ADAM7: variants seen among roughly 807,000 people sequenced by gnomAD.
ADAM7 encodes the protein ADAM metallopeptidase domain 7.
In ADAM7, 97 loss-of-function variants were observed where a neutral mutation model predicts 102.9. That is an observed-to-expected ratio of 0.94 (90% CI 0.80 to 1.12). ADAM7 has a LOEUF of 1.12. Ranked by LOEUF, ADAM7 falls within the 50% of genes most tolerant of loss-of-function variation. The pLI, the probability that ADAM7 is intolerant of heterozygous loss-of-function variation, is 0.00. For missense variants in ADAM7, 991 were observed against 908.7 expected (o/e 1.09, Z -1.16); for synonymous variants, 334 against 304.4 (o/e 1.10, Z -1.01).
At chr8:24,499,652 A>G (rs1006725421) in intron 17 of ADAM7, among the ~76,000 whole-genome samples, 1 of 152,144 alleles carries the variant, frequency 6.6e-6, no homozygotes, top group East Asian at 1.9e-4. Context: ...AAATTACACC[A>G]ATGTCAAGTT....
chr8:24,509,248 GAGGA>G lies in ADAM7; in HGVS notation c.*703_*706del. The G allele has an allele frequency of 1.0e-6, 1 of 985,418 alleles. No individual in the cohort carries two copies. The highest frequency in any genetic ancestry group is 1.2e-6 in the Non-Finnish European group (1 of 829,974). 61.0% of individuals were successfully genotyped at this position (985,418 alleles called of 1,614,324 possible). ...ATTTCAGAAAATTTACTCCAAGTGA[GAGGA>G]CATACTCACAACTCCTATGAAGGGT... On this transcript the variant is annotated 3_prime_UTR_variant, in exon 22 of 22. Coordinates refer to ENST00000175238, the MANE Select transcript of ADAM7 (RefSeq NM_003817.4).
intron 14 of ADAM7, 189 bp from the exon 15 acceptor site, chr8:24,492,306 T>G: frequency 5.8e-6 from 4 of 690,480 alleles, no homozygotes; most frequent in Non-Finnish European, 9.5e-6. Context: ...TATGTATATT[T>G]GTTACTGTTT....
chr8:24,470,975 A>G (rs1050394884), intron 7 of ADAM7, among the ~76,000 whole-genome samples: 3 of 152,244 alleles, frequency 2.0e-5, no homozygotes, highest in Non-Finnish European at 4.4e-5. Flanking sequence ...AATTGCCCCT[A>G]AAGACCTTCA....
rs10086959 is a variant in ADAM7 at position 24,484,530 on chromosome 8, C to T, written c.876-747C>T. On this transcript the variant is annotated intron_variant, in intron 9 of 21. Coordinates refer to ENST00000175238, the MANE Select transcript of ADAM7 (RefSeq NM_003817.4). ...TTTTATTATAGCTATCAAATCCTAC[C>T]TGAGTTTCTATGGTTGATTAAAAGT... Among the ~76,000 whole-genome samples, 766 of 152,202 alleles carry T rather than the reference C, an allele frequency of 5.0e-3. 8 individuals are homozygous for T. The highest frequency in any genetic ancestry group is 0.018 in the African/African-American group (731 of 41,534).
intron 9 of ADAM7, 80 bp from the exon 10 acceptor site, chr8:24,485,197 T>C: frequency 2.4e-6 from 3 of 1,271,378 alleles, no homozygotes; most frequent in South Asian, 2.5e-5. Flanking sequence ...TTGGCATTGC[T>C]GGGGTTCACT....
At chr8:24,450,577 A>G (rs1057045766) in intron 3 of ADAM7, among the ~76,000 whole-genome samples, 2 of 152,160 alleles carry the variant, frequency 1.3e-5, no homozygotes, top group Admixed American at 6.5e-5. Context: ...TTCTAGATAT[A>G]CAATCGTGTA....
chr8:24,491,980 T>TTAG lies in ADAM7; in HGVS notation c.1434_1435insTAG (p.Pro478_Ala479insTer). On this transcript the variant is annotated stop_gained and inframe_insertion, in exon 14 of 22. Transcript: ENST00000175238. LOFTEE classifies it high-confidence loss of function. ...CTGAGATGTGCACTGGCCACTCGCCTGCCTGTCCTAAGGACCAGTTCAGGG... is the reference window on the plus strand; with the variant it reads ...CTGAGATGTGCACTGGCCACTCGCCTTAGGCCTGTCCTAAGGACCAGTTCAGGG... The TTAG allele has an allele frequency of 6.2e-7, 1 of 1,613,954 alleles. No individual in the cohort carries two copies. The highest frequency in any genetic ancestry group is 8.5e-7 in the Non-Finnish European group (1 of 1,179,878).
At chr8:24,492,919 C>T in intron 15 of ADAM7, 124 bp from the exon 16 acceptor site, 5 of 983,440 alleles carry the variant, frequency 5.1e-6, no homozygotes, top group Non-Finnish European at 7.2e-6. Flanking sequence ...CTGCCCATTA[C>T]AGCCTCCTTA....
intron 16 of ADAM7, among the ~76,000 whole-genome samples, chr8:24,495,194 A>T (rs1820513003): frequency 6.6e-6 from 1 of 152,188 alleles, no homozygotes; most frequent in South Asian, 2.1e-4. Flanking sequence ...ATAAGATCCT[A>T]TAGCTCATAG....
chr8:24,477,672 C>T (rs530407375), intron 8 of ADAM7, among the ~76,000 whole-genome samples: 70 of 151,730 alleles, frequency 4.6e-4, no homozygotes, highest in African/African-American at 1.6e-3. Context: ...AATTATTGAT[C>T]ATTCAAATAT....
chr8:24,499,380 C>A, intron 17 of ADAM7, 64 bp downstream of exon 17: 1 of 1,271,384 alleles, frequency 7.9e-7, no homozygotes, highest in Non-Finnish European at 1.1e-6. Flanking sequence ...ATTCCCCAGC[C>A]TATATGTGCA....
intron 3 of ADAM7, among the ~76,000 whole-genome samples, chr8:24,456,026 A>G (rs1819020006): frequency 6.6e-6 from 1 of 152,174 alleles, no homozygotes; most frequent in Admixed American, 6.5e-5. Flanking sequence ...ACTATTATTA[A>G]GTAAATTCAC....
intron 8 of ADAM7, among the ~76,000 whole-genome samples, chr8:24,477,745 T>A (rs1819816162): frequency 6.6e-6 from 1 of 152,146 alleles, no homozygotes; most frequent in Non-Finnish European, 1.5e-5. Context: ...ATATTTCAAT[T>A]ATATGCATAT....
chr8:24,455,839 T>C (rs1819011870), intron 3 of ADAM7, among the ~76,000 whole-genome samples: 1 of 152,244 alleles, frequency 6.6e-6, no homozygotes, highest in South Asian at 2.1e-4. Flanking sequence ...TATTCACTTA[T>C]TGTAATTTGA....
intron 9 of ADAM7, among the ~76,000 whole-genome samples, chr8:24,484,182 C>A (rs1299480066): frequency 2.0e-5 from 3 of 152,068 alleles, no homozygotes; most frequent in Non-Finnish European, 2.9e-5. Context: ...TCTGTCTCTC[C>A]AAGAAGCATA....
intron 7 of ADAM7, among the ~76,000 whole-genome samples, chr8:24,469,671 C>T (rs543790764): frequency 6.6e-6 from 1 of 152,134 alleles, no homozygotes; most frequent in East Asian, 1.9e-4. Flanking sequence ...AATGATATTT[C>T]AGACTGTGCT....
chr8:24,444,651 G>C (rs561933053), intron 2 of ADAM7, among the ~76,000 whole-genome samples: 1 of 151,484 alleles, frequency 6.6e-6, no homozygotes, highest in South Asian at 2.1e-4. Context: ...CAAAATGCTT[G>C]ACAGATACTC....
chr8:24,467,253 A>C, intron 6 of ADAM7: 1 of 486,594 alleles, frequency 2.1e-6, no homozygotes, highest in Non-Finnish European at 3.6e-6. Flanking sequence ...GTAGTTGGAA[A>C]TCATGAAATT....
chr8:24,447,476 A>C (rs1818604666), intron 3 of ADAM7, among the ~76,000 whole-genome samples: 1 of 152,032 alleles, frequency 6.6e-6, no homozygotes, highest in East Asian at 1.9e-4. Context: ...TTCCTAAATA[A>C]CTCCCTACTT....
Sources: gnomAD v4.1 joint callset for allele counts (sites outside exome capture counted in the v4.1 genomes callset) on GRCh38, gnomAD v4.1.1 for gene constraint, MANE v1.5 for transcripts, NCBI Gene and HGNC (gene_info 2026-07-23, HGNC 2026-07-21) for gene names.